The following NOVA1 variants were observed in gnomAD, a reference collection of about 807,000 sequenced individuals.
NOVA1 encodes NOVA alternative splicing regulator 1.
In NOVA1, 7 loss-of-function variants were observed where a neutral mutation model predicts 38.0. The ratio of observed to expected loss-of-function variants is 0.18; its 90% CI spans 0.10 to 0.35. The LOEUF (loss-of-function observed/expected upper bound fraction) is 0.35, where lower values mean the gene tolerates loss of function less well. Among genes scored for constraint, NOVA1 ranks in the 10% least tolerant of loss-of-function variants. The probability of loss-of-function intolerance (pLI) is 1.00; values close to 1 mark genes in which losing one functional copy is unlikely to be tolerated. For missense variants in NOVA1, 460 were observed against 616.0 expected (o/e 0.75, Z 2.68); for synonymous variants, 270 against 232.5 (o/e 1.16, Z -1.47).
intron 2 of NOVA1, among the ~76,000 whole-genome samples, chr14:26,554,280 T>G (rs1891348075): frequency 6.6e-6 from 1 of 151,602 alleles, no homozygotes; most frequent in Admixed American, 6.6e-5. Flanking sequence ...ACTACTTACA[T>G]AAGAAAGCCT....
intron 2 of NOVA1, among the ~76,000 whole-genome samples, chr14:26,588,239 A>T (rs1188861577): frequency 6.6e-6 from 1 of 151,268 alleles, no homozygotes. Flanking sequence ...TCTGCAATAC[A>T]GTTTATCAGA....
intron 2 of NOVA1, among the ~76,000 whole-genome samples, chr14:26,509,540 A>G (rs1887899365): frequency 6.6e-6 from 1 of 152,206 alleles, no homozygotes; most frequent in Admixed American, 6.5e-5. Flanking sequence ...AAGACAGAAG[A>G]GAGATTTTAT....
chr14:26,506,510 G>T (rs558296969), intron 2 of NOVA1, among the ~76,000 whole-genome samples: 1 of 152,084 alleles, frequency 6.6e-6, no homozygotes, highest in Non-Finnish European at 1.5e-5. Flanking sequence ...TGTTGTCTTC[G>T]CCAATCAAGA....
intron 2 of NOVA1, among the ~76,000 whole-genome samples, chr14:26,542,749 A>G (rs200555589): frequency 6.6e-6 from 1 of 151,346 alleles, no homozygotes; most frequent in East Asian, 1.9e-4. Flanking sequence ...AAAAAAAAAA[A>G]AAGTAGTAAT....
intron 4 of NOVA1, among the ~76,000 whole-genome samples, chr14:26,463,312 T>C (rs1405117320): frequency 1.3e-5 from 2 of 152,192 alleles, no homozygotes; most frequent in African/African-American, 4.8e-5. Flanking sequence ...TTCTTGTATC[T>C]TTGCCAGCAC....
At chr14:26,449,428 G>C (rs969370754) in intron 4 of NOVA1, among the ~76,000 whole-genome samples, 2 of 152,078 alleles carry the variant, frequency 1.3e-5, no homozygotes, top group Non-Finnish European at 1.5e-5. Context: ...CAGTAGGAAA[G>C]TTCAAGCCTG....
At chr14:26,589,564 T>C (rs1317091998) in intron 2 of NOVA1, among the ~76,000 whole-genome samples, 2 of 151,816 alleles carry the variant, frequency 1.3e-5, no homozygotes, top group Admixed American at 1.3e-4. Context: ...CCATCAATAT[T>C]CTAAAAAGAT....
At chr14:26,455,357 T>C (rs894765300) in intron 4 of NOVA1, among the ~76,000 whole-genome samples, 1 of 152,074 alleles carries the variant, frequency 6.6e-6, no homozygotes, top group African/African-American at 2.4e-5. Flanking sequence ...ATAATACAAA[T>C]ATAGAATTGG....
At chr14:26,542,273 G>A (rs1890509606) in intron 2 of NOVA1, among the ~76,000 whole-genome samples, 1 of 151,674 alleles carries the variant, frequency 6.6e-6, no homozygotes, top group African/African-American at 2.4e-5. Flanking sequence ...TACTCATCTG[G>A]AACTTTCCAG....
At chr14:26,583,881 T>TCACACACACACACACACACACACA (rs36218600) in intron 2 of NOVA1, among the ~76,000 whole-genome samples, 1 of 145,928 alleles carries the variant, frequency 6.9e-6, no homozygotes, top group Admixed American at 6.8e-5. Context: ...AGCATCAAAT[T>TCACACACACACACACACACACACA]CACACACACA....
intron 2 of NOVA1, among the ~76,000 whole-genome samples, chr14:26,582,586 A>ATT (rs1893288181): frequency 6.6e-6 from 1 of 151,786 alleles, no homozygotes; most frequent in Non-Finnish European, 1.5e-5. Flanking sequence ...CATTGCTGGC[A>ATT]ATACTAAATA....
intron 2 of NOVA1, among the ~76,000 whole-genome samples, chr14:26,486,340 A>T (rs1885887060): frequency 6.6e-6 from 1 of 152,002 alleles, no homozygotes; most frequent in South Asian, 2.1e-4. Context: ...TTCTCTTATA[A>T]TTTGCTGTTT....
At chr14:26,456,972 C>A (rs1293931253) in intron 4 of NOVA1, among the ~76,000 whole-genome samples, 1 of 146,834 alleles carries the variant, frequency 6.8e-6, no homozygotes, top group African/African-American at 2.5e-5. Flanking sequence ...TATACACACA[C>A]ACACACATAT....
intron 2 of NOVA1, among the ~76,000 whole-genome samples, chr14:26,532,658 T>G (rs1889803811): frequency 1.3e-5 from 2 of 152,160 alleles, no homozygotes; most frequent in Non-Finnish European, 2.9e-5. Flanking sequence ...GTATTACTGA[T>G]GTATGTAATG....
intron 2 of NOVA1, among the ~76,000 whole-genome samples, chr14:26,565,668 C>G (rs1386803615): frequency 3.3e-5 from 5 of 152,116 alleles, no homozygotes; most frequent in Non-Finnish European, 7.4e-5. Context: ...ATACTATAGA[C>G]TAAATGATAT....
chr14:26,508,842 T>A (rs1887840395), intron 2 of NOVA1, among the ~76,000 whole-genome samples: 1 of 151,834 alleles, frequency 6.6e-6, no homozygotes, highest in Non-Finnish European at 1.5e-5. Context: ...AAAATGAATT[T>A]TAAATTTTAA....
At chr14:26,484,536 T>C (rs550733084) in intron 2 of NOVA1, among the ~76,000 whole-genome samples, 4 of 149,320 alleles carry the variant, frequency 2.7e-5, no homozygotes, top group South Asian at 2.2e-4. Flanking sequence ...ATTGACCTCA[T>C]ACCCCTCTTC....
chr14:26,569,505 A>T (rs1246840548), intron 2 of NOVA1, among the ~76,000 whole-genome samples: 1 of 152,222 alleles, frequency 6.6e-6, no homozygotes, highest in East Asian at 1.9e-4. Flanking sequence ...AATATTAACA[A>T]AAACAAAGAA....
At chr14:26,490,296 T>C (rs1330338033) in intron 2 of NOVA1, among the ~76,000 whole-genome samples, 1 of 152,198 alleles carries the variant, frequency 6.6e-6, no homozygotes, top group Non-Finnish European at 1.5e-5. Context: ...TTGGCTATTG[T>C]GAATACTGCT....
Sources: allele counts gnomAD v4.1 joint callset (sites outside exome capture counted in the v4.1 genomes callset), GRCh38; gene constraint gnomAD v4.1.1; transcripts MANE v1.5; gene names NCBI Gene and HGNC (gene_info 2026-07-23, HGNC 2026-07-21).